Variants in SLC5A8 observed in about 807,000 individuals in gnomAD.
SLC5A8 encodes the protein sodium-coupled monocarboxylate transporter 1.
SLC5A8 carries 55 observed loss-of-function variants against 71.9 expected under a neutral mutation model. That is an observed-to-expected ratio of 0.77 (90% CI 0.62 to 0.96). The LOEUF (loss-of-function observed/expected upper bound fraction) is 0.96. Ranked by LOEUF, SLC5A8 falls within the 40% of genes least tolerant of loss-of-function variation. The probability of loss-of-function intolerance (pLI) is 0.00; values close to 1 mark genes in which losing one functional copy is unlikely to be tolerated. For missense variants in SLC5A8, 701 were observed against 745.3 expected (o/e 0.94, Z 0.69); for synonymous variants, 307 against 276.1 (o/e 1.11, Z -1.11).
chr12:101,196,255 A>G (rs1869172399), intron 3 of SLC5A8, among the ~76,000 whole-genome samples: 1 of 152,216 alleles, frequency 6.6e-6, no homozygotes, highest in Non-Finnish European at 1.5e-5. Context: ...AGAAGGCGTT[A>G]CTAAGATATG....
chr12:101,175,727 A>G (rs1193559766), intron 10 of SLC5A8, among the ~76,000 whole-genome samples: 3 of 152,120 alleles, frequency 2.0e-5, no homozygotes, highest in Non-Finnish European at 1.5e-5. Flanking sequence ...AGACAAAAAG[A>G]AAGTAGAAAA....
chr12:101,189,336 T>C (rs1251971712), intron 6 of SLC5A8, among the ~76,000 whole-genome samples: 4 of 152,210 alleles, frequency 2.6e-5, no homozygotes, highest in South Asian at 2.1e-4. Flanking sequence ...CATATTCATA[T>C]AGATTTTTCA....
chr12:101,158,953 A>C (rs903980356), intron 13 of SLC5A8, among the ~76,000 whole-genome samples: 1 of 147,760 alleles, frequency 6.8e-6, no homozygotes, highest in East Asian at 2.0e-4. Flanking sequence ...TTTCTTTACA[A>C]AAAAAAAAAA....
At chr12:101,157,870 G>A (rs902366125) in intron 14 of SLC5A8, among the ~76,000 whole-genome samples, 1 of 152,146 alleles carries the variant, frequency 6.6e-6, no homozygotes, top group Non-Finnish European at 1.5e-5. Context: ...GTTATCAGAG[G>A]ATAGAGAGAG....
intron 10 of SLC5A8, 51 bp from the exon 11 acceptor site, chr12:101,168,233 A>AATAGGGCT: frequency 8.0e-6 from 12 of 1,499,178 alleles, no homozygotes; most frequent in Non-Finnish European, 1.1e-5. Context: ...TCGAAACTCA[A>AATAGGGCT]ATATTTCAAA....
At chr12:101,182,714 T>G (rs1345613379) in intron 9 of SLC5A8, 89 bp downstream of exon 9, 2 of 829,514 alleles carry the variant, frequency 2.4e-6, no homozygotes, top group Non-Finnish European at 3.9e-6. Context: ...CAGAGGTCCT[T>G]CCTCTGTAGC....
chr12:101,188,528 C>A (rs1185678492), intron 6 of SLC5A8, among the ~76,000 whole-genome samples: 1 of 152,172 alleles, frequency 6.6e-6, no homozygotes, highest in African/African-American at 2.4e-5. Flanking sequence ...AGTCCCCTCA[C>A]CCTAACATGG....
intron 9 of SLC5A8, among the ~76,000 whole-genome samples, chr12:101,182,471 T>G (rs999727238): frequency 2.0e-5 from 3 of 152,146 alleles, no homozygotes; most frequent in South Asian, 2.1e-4. Context: ...GTTGAATTTT[T>G]TGTGTGTGTG....
intron 8 of SLC5A8, among the ~76,000 whole-genome samples, chr12:101,183,277 C>T (rs1000652758): frequency 1.3e-5 from 2 of 152,054 alleles, no homozygotes; most frequent in Non-Finnish European, 2.9e-5. Context: ...GATCTCCTGA[C>T]CTCATGATCC....
intron 10 of SLC5A8, among the ~76,000 whole-genome samples, chr12:101,179,568 A>G (rs1463947229): frequency 6.6e-6 from 1 of 152,220 alleles, no homozygotes; most frequent in African/African-American, 2.4e-5. Flanking sequence ...TGTATGTAGC[A>G]TTCTTGACCT....
rs114206419 is a variant in SLC5A8 at position 101,189,757 on chromosome 12, A to T, written c.833+711T>A. ...CTCTTCTCCACCTGCCCAAATTATGATCATTCTTCATATTCATTCTGCCAG... is the reference window on the plus strand; with the variant it reads ...CTCTTCTCCACCTGCCCAAATTATGTTCATTCTTCATATTCATTCTGCCAG... On this transcript the variant is annotated intron_variant, in intron 6 of 14. Coordinates refer to ENST00000536262, the MANE Select transcript of SLC5A8 (RefSeq NM_145913.5). Among the ~76,000 whole-genome samples, 959 of 152,264 alleles carry T rather than the reference A, an allele frequency of 6.3e-3. 11 individuals are homozygous for T. The highest frequency in any genetic ancestry group is 0.022 in the African/African-American group (915 of 41,538).
chr12:101,208,187 G>A (rs948527901), intron 1 of SLC5A8, among the ~76,000 whole-genome samples: 2 of 152,114 alleles, frequency 1.3e-5, no homozygotes, highest in African/African-American at 4.8e-5. Context: ...ACTGCATCCT[G>A]CTCACTTCTG....
At chr12:101,174,189 C>T (rs1164258025) in intron 10 of SLC5A8, among the ~76,000 whole-genome samples, 1 of 152,192 alleles carries the variant, frequency 6.6e-6, no homozygotes, top group Non-Finnish European at 1.5e-5. Context: ...TACTTACTTG[C>T]TCACTTACTT....
chr12:101,193,895 G>A lies in SLC5A8; in HGVS notation c.538-116C>T. 6 of 1,011,894 alleles carry A rather than the reference G, an allele frequency of 5.9e-6. No homozygotes were observed. In the Admixed American group the frequency reaches 1.0e-4, roughly 17 times the overall value. 62.7% of individuals were successfully genotyped at this position (1,011,894 alleles called of 1,614,324 possible). A position where few individuals can be genotyped will look rare whatever the true frequency, so the allele number is the denominator to read the frequency against. ...TAAACATGAATGTTGGCTAAGAAGT[G>A]CACTCAAGGGAAACAGTCAGGTTGG... is the stretch of plus-strand genomic sequence containing the variant. On this transcript the variant is annotated intron_variant, in intron 4 of 14. Coordinates refer to ENST00000536262, the MANE Select transcript of SLC5A8 (RefSeq NM_145913.5).
chr12:101,165,865 C>G (rs896937345), intron 12 of SLC5A8, among the ~76,000 whole-genome samples: 1 of 152,288 alleles, frequency 6.6e-6, no homozygotes, highest in Non-Finnish European at 1.5e-5. Context: ...AAGCTGGACA[C>G]TTATATATCC....
intron 10 of SLC5A8, among the ~76,000 whole-genome samples, chr12:101,171,068 T>C (rs2051825308): frequency 6.6e-6 from 1 of 152,218 alleles, no homozygotes; most frequent in Admixed American, 6.5e-5. Context: ...GTTAGATGAC[T>C]GACAGACCAG....
At chr12:101,192,994 CAG>C (rs1157055820) in intron 5 of SLC5A8, among the ~76,000 whole-genome samples, 19 of 124,346 alleles carry the variant, frequency 1.5e-4, no homozygotes, top group Non-Finnish European at 1.9e-4. Context: ...TTTTTTGAGA[CAG>C]AGTCTCACTC....
At chr12:101,193,040 C>T (rs569601984) in intron 5 of SLC5A8, among the ~76,000 whole-genome samples, 5 of 147,572 alleles carry the variant, frequency 3.4e-5, no homozygotes, top group South Asian at 2.1e-4. Flanking sequence ...GGCGTGATCT[C>T]GGCTCACTGC....
chr12:101,181,609 G>A (rs1277823188), intron 9 of SLC5A8, among the ~76,000 whole-genome samples: 3 of 152,104 alleles, frequency 2.0e-5, no homozygotes, highest in Admixed American at 6.5e-5. Context: ...GGCTTGTATG[G>A]GTAACTGGAT....
Sources: gnomAD v4.1 joint callset for allele counts (sites outside exome capture counted in the v4.1 genomes callset) on GRCh38, gnomAD v4.1.1 for gene constraint, MANE v1.5 for transcripts, NCBI Gene and HGNC (gene_info 2026-07-23, HGNC 2026-07-21) for gene names.